Variants in SNRNP70 observed in about 807,000 individuals in gnomAD.
SNRNP70 encodes small nuclear ribonucleoprotein U1 subunit 70, also known as U1 small nuclear ribonucleoprotein 70 kDa.
Under a neutral mutation model 50.5 loss-of-function variants are expected in SNRNP70, and 8 were observed. That is an observed-to-expected ratio of 0.16 (90% confidence interval 0.09 to 0.29). The LOEUF is 0.29. Among genes scored for constraint, SNRNP70 ranks in the 10% least tolerant of loss-of-function variants. The pLI, the probability that SNRNP70 is intolerant of heterozygous loss-of-function variation, is 1.00. For synonymous variants in SNRNP70, 320 were observed against 252.9 expected (o/e 1.27, Z -2.52); for missense variants, 529 against 663.5 (o/e 0.80, Z 2.23).
intron 1 of SNRNP70, 28 bp from the exon 2 acceptor site, chr19:49,086,377 C>T (rs774864127): frequency 2.5e-6 from 4 of 1,603,984 alleles, no homozygotes; most frequent in Admixed American, 1.7e-5. Context: ...CCCGATCTAA[C>T]CTAAGGCTGT....
chr19:49,088,835 G>A (rs1449737578), intron 2 of SNRNP70, among the ~76,000 whole-genome samples: 1 of 152,124 alleles, frequency 6.6e-6, no homozygotes, highest in Non-Finnish European at 1.5e-5. Context: ...AGACCTTTAA[G>A]AGCTGCCTTG....
chr19:49,100,806 CAAAAAAAAAAAA>C (rs61621289), intron 6 of SNRNP70, among the ~76,000 whole-genome samples: 1 of 112,396 alleles, frequency 8.9e-6, no homozygotes, highest in Non-Finnish European at 1.8e-5. Flanking sequence ...ACTCTGTCTC[CAAAAAAAAAAAA>C]AAAAAAAAGA....
At chr19:49,101,878 A>G (rs1487297566) in intron 7 of SNRNP70, among the ~76,000 whole-genome samples, 1 of 151,276 alleles carries the variant, frequency 6.6e-6, no homozygotes. Flanking sequence ...TTCCCCCCCC[A>G]GTAGAACTGG....
intron 4 of SNRNP70, among the ~76,000 whole-genome samples, chr19:49,097,956 G>A (rs1438062187): frequency 6.6e-6 from 1 of 152,214 alleles, no homozygotes; most frequent in Non-Finnish European, 1.5e-5. Context: ...CTTGGTCTCA[G>A]GTTTTCCTGT....
At chr19:49,094,880 G>A (rs1191584912) in intron 4 of SNRNP70, among the ~76,000 whole-genome samples, 2 of 149,352 alleles carry the variant, frequency 1.3e-5, no homozygotes, top group Admixed American at 1.3e-4. Context: ...CTTCCAAAGA[G>A]TGAGAGTTCC....
intron 1 of SNRNP70, 28 bp downstream of exon 1, chr19:49,085,664 C>A: frequency 2.2e-6 from 1 of 455,690 alleles, no homozygotes; most frequent in South Asian, 1.6e-5. Context: ...AGTGGCCCGA[C>A]GGGGTGCGGG....
At chr19:49,088,589 C>T (rs139647202) in intron 2 of SNRNP70, among the ~76,000 whole-genome samples, 4 of 150,942 alleles carry the variant, frequency 2.7e-5, no homozygotes, top group East Asian at 1.9e-4. Context: ...TTCCACCTCC[C>T]GGGTTCAAAG....
intron 4 of SNRNP70, among the ~76,000 whole-genome samples, chr19:49,097,296 T>C (rs2040525346): frequency 6.6e-6 from 1 of 152,106 alleles, no homozygotes; most frequent in Non-Finnish European, 1.5e-5. Context: ...ACACCTCCCT[T>C]TTTCTGTGTC....
Position 49,107,730 on chromosome 19 carries a change from G to T in SNRNP70, c.665+18G>T. On this transcript the variant is annotated intron_variant, in intron 9 of 9. Transcript: ENST00000598441. This position sits in a 1 kb window ranked among gnomAD's most constrained non-coding sequence, Gnocchi z 6.0. The stretch of plus-strand genomic sequence containing the variant: ...GATGAGAGGTAAGATTGGGCGACCG[G>T]TGTCCTGGGGTGGGGGGCGGTCACG... 6.2e-7 allele frequency: 1 copy of T among 1,613,708 alleles called. No individual in the cohort carries two copies. Among genetic ancestry groups the T allele is most frequent in the Non-Finnish European group, 8.5e-7 (1 of 1,179,916 alleles).
Position 49,098,692 on chromosome 19 carries a change from A to T in SNRNP70, c.381A>T (p.Gly127=), listed in dbSNP as rs1018236467. 1.9e-6 allele frequency: 3 copies of T among 1,613,924 alleles called. No homozygotes were observed. Among genetic ancestry groups the T allele is most frequent in the Non-Finnish European group, 2.5e-6 (3 of 1,179,854 alleles). Residue 127 remains glycine (G), a synonymous_variant, in exon 6 of 10, where the codon GGA becomes GGT. Transcript: ENST00000598441. ...SKLRREFEVY[G]PIKRIHMVYS... is the part of the protein sequence containing the mutation. ...TCCGGAGAGAGTTTGAGGTGTACGGACCTATCAAAAGAGTAAGTGGAGTGG... is the reference window on the plus strand; with the variant it reads ...TCCGGAGAGAGTTTGAGGTGTACGGTCCTATCAAAAGAGTAAGTGGAGTGG...
chr19:49,090,376 C>A (rs141339800), intron 3 of SNRNP70, 23 bp downstream of exon 3: 352 of 1,613,630 alleles, frequency 2.2e-4, no homozygotes, highest in Non-Finnish European at 2.8e-4. Flanking sequence ...TGCTTCCTGA[C>A]CCCCTGTTTT....
chr19:49,092,012 C>T (rs534300915), intron 4 of SNRNP70, among the ~76,000 whole-genome samples: 31 of 152,292 alleles, frequency 2.0e-4, no homozygotes, highest in African/African-American at 7.0e-4. Flanking sequence ...ACAAATCTGA[C>T]CCTTCTTTTC....
At chr19:49,092,623 G>A (rs991921227) in intron 4 of SNRNP70, among the ~76,000 whole-genome samples, 1 of 150,504 alleles carries the variant, frequency 6.6e-6, no homozygotes, top group Non-Finnish European at 1.5e-5. Context: ...TGGCCAGGCT[G>A]GCCTCGAACT....
In SNRNP70 at chr19:49,107,694, C is replaced by A; in HGVS notation, c.647C>A (p.Thr216Asn). The change falls in exon 9 of 10, where the codon ACC (threonine) becomes AAC (asparagine). Residue 216 changes from threonine (T) to asparagine (N), a missense_variant. By Grantham distance (65) the Thr-to-Asn change is moderately conservative. Around this residue, in one of 4 missense-constraint regions of SNRNP70, gnomAD observed 53 missense variants for 78.6 expected, o/e 0.67. Coordinates refer to ENST00000598441, the MANE Select transcript of SNRNP70 (RefSeq NM_003089.6). The surrounding 1 kb of genome is among the most constrained non-coding windows in gnomAD (Gnocchi z 6.0). ...ATCCGGCATTCAGGCCGCGATGACA[C>A]CTCCCGCTACGATGAGAGGTAAGAT... The part of the protein sequence containing the change: ...VNIRHSGRDD[T>N]SRYDERPGPS... The A allele has an allele frequency of 6.2e-7, 1 of 1,614,084 alleles. No homozygotes were observed. The highest frequency in any genetic ancestry group is 2.2e-5 in the East Asian group (1 of 44,860).
chr19:49,102,260 C>A, intron 7 of SNRNP70: 2 of 1,061,514 alleles, frequency 1.9e-6, no homozygotes, highest in Non-Finnish European at 1.3e-6. Flanking sequence ...AGCAGCGAGG[C>A]GCCCCTCCTC....
At chr19:49,099,916 CTGTGTG>C (rs564880870) in intron 6 of SNRNP70, among the ~76,000 whole-genome samples, 32 of 150,552 alleles carry the variant, frequency 2.1e-4, no homozygotes, top group Admixed American at 9.9e-4. Context: ...TGTCTCGTGC[CTGTGTG>C]TGTGTGTGTA....
intron 5 of SNRNP70, 66 bp downstream of exon 5, chr19:49,098,557 C>T: frequency 6.3e-7 from 1 of 1,595,852 alleles, no homozygotes; most frequent in African/African-American, 1.3e-5. Context: ...GCACAAAGGT[C>T]AAATAGGCTA....
intron 6 of SNRNP70, among the ~76,000 whole-genome samples, chr19:49,100,720 C>T (rs560388718): frequency 2.7e-5 from 4 of 150,368 alleles, no homozygotes; most frequent in South Asian, 2.1e-4. Flanking sequence ...GCAGGAGAAT[C>T]GCTTGAACCC....
chr19:49,101,508 C>T (rs1409419216), intron 7 of SNRNP70, 37 bp downstream of exon 7: 2 of 1,433,274 alleles, frequency 1.4e-6, no homozygotes, highest in Admixed American at 3.3e-5. Flanking sequence ...CTCTGACCTG[C>T]TCTCACTTCT....
Sources: allele counts gnomAD v4.1 joint callset (sites outside exome capture counted in the v4.1 genomes callset), GRCh38; gene constraint gnomAD v4.1.1; regional missense constraint gnomAD v4.1.1; non-coding constraint Gnocchi (gnomAD v3.1); transcripts MANE v1.5; gene names NCBI Gene and HGNC (gene_info 2026-07-23, HGNC 2026-07-21).